The following CLEC4C variants were observed in gnomAD, a reference collection of about 807,000 sequenced individuals.
The protein encoded by CLEC4C is C-type lectin domain family 4 member C.
A neutral mutation model predicts 27.7 loss-of-function variants in CLEC4C; 17 were observed. That is an observed-to-expected ratio of 0.61 (90% CI 0.42 to 0.92). The LOEUF (loss-of-function observed/expected upper bound fraction) is 0.92. CLEC4C is among the 40% of genes least tolerant of loss of function. CLEC4C has a pLI of 0.00. For missense variants in CLEC4C, 244 were observed against 257.3 expected (o/e 0.95, Z 0.35); for synonymous variants, 80 against 80.8 (o/e 0.99, Z 0.06).
At chr12:7,730,641 A>G in intron 5 of CLEC4C, 156 bp downstream of exon 5, 1 of 178,334 alleles carries the variant, frequency 5.6e-6, no homozygotes, top group Non-Finnish European at 1.1e-5. Flanking sequence ...CTCTTGTCTA[A>G]AAAAAAAAAA....
intron 2 of CLEC4C, among the ~76,000 whole-genome samples, chr12:7,746,006 G>A (rs919635824): frequency 5.3e-5 from 8 of 151,672 alleles, no homozygotes; most frequent in African/African-American, 1.9e-4. Context: ...ACGAGGTCAG[G>A]AGATCGAAAC....
intron 4 of CLEC4C, 109 bp downstream of exon 4, chr12:7,737,320 A>G: frequency 1.0e-6 from 1 of 964,626 alleles, no homozygotes; most frequent in Non-Finnish European, 1.4e-6. Flanking sequence ...TTTTTTACCC[A>G]GAAGTTTTTT....
chr12:7,745,129 A>G (rs770041681), intron 2 of CLEC4C, among the ~76,000 whole-genome samples: 1 of 152,268 alleles, frequency 6.6e-6, no homozygotes, highest in Admixed American at 6.6e-5. Context: ...AAGTTCATAT[A>G]TGGAAGTCCC....
intron 2 of CLEC4C, among the ~76,000 whole-genome samples, chr12:7,744,820 G>A (rs1429591918): frequency 6.6e-6 from 1 of 151,800 alleles, no homozygotes; most frequent in Non-Finnish European, 1.5e-5. Context: ...TCATTCTGTT[G>A]CCCAGGCTGG....
intron 4 of CLEC4C, among the ~76,000 whole-genome samples, chr12:7,731,754 C>T (rs1864600620): frequency 6.6e-6 from 1 of 152,136 alleles, no homozygotes; most frequent in African/African-American, 2.4e-5. Flanking sequence ...TGCTAAGTGA[C>T]AGCATTCTTC....
chr12:7,742,586 G>A (rs1240325917), intron 2 of CLEC4C, among the ~76,000 whole-genome samples: 1 of 150,988 alleles, frequency 6.6e-6, no homozygotes, highest in Non-Finnish European at 1.5e-5. Context: ...CGAGGTGGGT[G>A]GATCATGAGG....
At chr12:7,738,812 AGTTTT>A (rs772785794) in intron 3 of CLEC4C, among the ~76,000 whole-genome samples, 2 of 151,906 alleles carry the variant, frequency 1.3e-5, no homozygotes, top group African/African-American at 4.8e-5. Context: ...CTCCTATGAT[AGTTTT>A]GTTTTGTTTT....
rs1399168487 is a variant in CLEC4C, at chr12:7,730,845, C to T, written c.449G>A (p.Arg150Gln). The change falls in exon 5 of 6, where the codon CGG becomes CAG. Residue 150 changes from arginine (R) to glutamine (Q), a missense_variant. Transcript: ENST00000360345. Reference sequence around the variant, plus strand: ...CTGGTCAACCCATTGCCAATGTCGCCGACCCCCTGGATCTGACAGCCCCAG... The same window carrying T: ...CTGGTCAACCCATTGCCAATGTCGCTGACCCCCTGGATCTGACAGCCCCAG... ...YFLGLSDPGG[R>Q]RHWQWVDQTP... 6.2e-6 allele frequency: 10 copies of T among 1,610,794 alleles called. No homozygotes were observed. The highest frequency in any genetic ancestry group is 2.7e-5 in the African/African-American group (2 of 74,778).
chr12:7,738,407 C>T (rs1277954058), intron 3 of CLEC4C, among the ~76,000 whole-genome samples: 3 of 152,148 alleles, frequency 2.0e-5, no homozygotes, highest in African/African-American at 4.8e-5. Context: ...TCAGCACAAA[C>T]GAGATTATAT....
intron 5 of CLEC4C, 21 bp downstream of exon 5, chr12:7,730,776 T>A: frequency 7.8e-7 from 1 of 1,282,714 alleles, no homozygotes; most frequent in Non-Finnish European, 1.1e-6. Context: ...CCCAGTGTCC[T>A]TTACCTCATT....
chr12:7,734,490 A>G (rs1398770988), intron 4 of CLEC4C, among the ~76,000 whole-genome samples: 1 of 152,166 alleles, frequency 6.6e-6, no homozygotes, highest in Non-Finnish European at 1.5e-5. Flanking sequence ...GACTTGTGCC[A>G]AGGCATGTGG....
chr12:7,738,150 C>T (rs1444198928), intron 3 of CLEC4C, among the ~76,000 whole-genome samples: 5 of 152,114 alleles, frequency 3.3e-5, no homozygotes, highest in Non-Finnish European at 7.3e-5. Context: ...TTTAGCATCC[C>T]ATTATAAAGA....
In CLEC4C at chr12:7,729,648, T is replaced by G. The variant is rs1864544348; in HGVS notation, c.590A>C (p.His197Pro). 1 of 1,613,938 alleles carries G rather than the reference T, an allele frequency of 6.2e-7. No homozygotes were observed. The highest frequency in any genetic ancestry group is 8.5e-7 in the Non-Finnish European group (1 of 1,179,790). The part of the protein sequence containing the change: ...SSEEWGWNDI[H>P]CHVPQKSICK... ...AATTGACTTCTGAGGTACATGACAG[T>G]GAATGTCATTCCAGCCCCATTCTTC... Residue 197 changes from histidine (H) to proline (P), a missense_variant, in exon 6 of 6, where the codon CAC (histidine) becomes CCC (proline). Coordinates refer to ENST00000360345, the MANE Select transcript of CLEC4C (RefSeq NM_001371390.1).
intron 4 of CLEC4C, among the ~76,000 whole-genome samples, chr12:7,733,867 A>G (rs1411679422): frequency 1.3e-5 from 2 of 150,850 alleles, no homozygotes; most frequent in Non-Finnish European, 2.9e-5. Context: ...GAGCCACCAC[A>G]CCCAGCCGTC....
chr12:7,732,103 C>T (rs976304742), intron 4 of CLEC4C, among the ~76,000 whole-genome samples: 17 of 152,082 alleles, frequency 1.1e-4, no homozygotes, highest in African/African-American at 4.1e-4. Flanking sequence ...GATCTCGGGT[C>T]ACTGCAACCT....
At chr12:7,737,324 GT>G (rs35561801) in intron 4 of CLEC4C, 104 bp downstream of exon 4, 129,104 of 725,922 alleles carry the variant, frequency 0.18, 4,054 homozygotes, top group East Asian at 0.32. Flanking sequence ...TTACCCAGAA[GT>G]TTTTTTTTTT....
chr12:7,744,866 G>C (rs941479439), intron 2 of CLEC4C, among the ~76,000 whole-genome samples: 11 of 144,526 alleles, frequency 7.6e-5, no homozygotes, highest in Non-Finnish European at 1.6e-4. Flanking sequence ...CCTCCCACCT[G>C]AGCCTCCCAA....
At chr12:7,745,400 G>GT (rs924223117) in intron 2 of CLEC4C, among the ~76,000 whole-genome samples, 51 of 81,390 alleles carry the variant, frequency 6.3e-4, no homozygotes, top group African/African-American at 2.2e-3. Context: ...ATAAATATCT[G>GT]TTTTTTAACT....
At chr12:7,734,096 A>G (rs1164045715) in intron 4 of CLEC4C, among the ~76,000 whole-genome samples, 3 of 152,118 alleles carry the variant, frequency 2.0e-5, no homozygotes, top group Admixed American at 6.6e-5. Flanking sequence ...ATATTTTGAC[A>G]TAGGTTTTCA....
Sources: allele counts gnomAD v4.1 joint callset (sites outside exome capture counted in the v4.1 genomes callset), GRCh38; gene constraint gnomAD v4.1.1; transcripts MANE v1.5; gene names NCBI Gene and HGNC (gene_info 2026-07-23, HGNC 2026-07-21).